The following TGS1 variants were observed in gnomAD, a reference collection of about 807,000 sequenced individuals.
TGS1 encodes trimethylguanosine synthase.
TGS1 carries 69 observed loss-of-function variants against 92.2 expected under a neutral mutation model. The ratio of observed to expected loss-of-function variants is 0.75; its 90% CI spans 0.62 to 0.91. TGS1 has a LOEUF of 0.91. TGS1 is among the 40% of genes least tolerant of loss of function. The probability of loss-of-function intolerance (pLI) is 0.00; values close to 1 mark genes in which losing one functional copy is unlikely to be tolerated. For synonymous variants in TGS1, 345 were observed against 338.1 expected, an observed-to-expected ratio of 1.02 and a Z score of -0.22; for missense variants, 1,062 against 1,001.2, an observed-to-expected ratio of 1.06 and a Z score of -0.82.
chr8:55,801,579 G>A (rs1038683198), intron 8 of TGS1, among the ~76,000 whole-genome samples: 10 of 52,608 alleles, frequency 1.9e-4, no homozygotes, highest in Admixed American at 7.6e-4. Context: ...CAGCCCCATC[G>A]TTCTTTTTTT....
chr8:55,789,507 T>C (rs1199226456), intron 4 of TGS1, among the ~76,000 whole-genome samples: 1 of 152,238 alleles, frequency 6.6e-6, no homozygotes, highest in Non-Finnish European at 1.5e-5. Flanking sequence ...TGTATAGATT[T>C]GGGCAGCTAT....
At chr8:55,810,849 AT>A in intron 10 of TGS1, 31 bp from the exon 11 acceptor site, 1 of 1,542,370 alleles carries the variant, frequency 6.5e-7, no homozygotes, top group Non-Finnish European at 8.9e-7. Flanking sequence ...ATCAGTGTCA[AT>A]TAACTCATTT....
At position 55,785,707 on chromosome 8, in the gene TGS1, T is replaced by C. The variant is rs1381821087; in HGVS notation, c.167-12T>C. 6.6e-7 allele frequency: 1 copy of C among 1,517,392 alleles called. No homozygotes were observed. Among genetic ancestry groups the C allele is most frequent in the East Asian group, 2.4e-5 (1 of 41,738 alleles). The allele number at this position is 1,517,392 out of a possible 1,614,324, so 94.0% of individuals were successfully genotyped here. A position where few individuals can be genotyped will look rare whatever the true frequency, so the allele number is the denominator to read the frequency against. On this transcript the variant is annotated splice_polypyrimidine_tract_variant and intron_variant, in intron 2 of 12. Transcript: ENST00000260129. ...TTTTCCTTAAAACTAAGCTAATAAA[T>C]GGTGTCTATAGGAGACCAGGCGACA...
intron 5 of TGS1, among the ~76,000 whole-genome samples, chr8:55,790,756 C>T (rs189202499): frequency 5.1e-4 from 77 of 152,212 alleles, no homozygotes; most frequent in Non-Finnish European, 7.4e-4. Flanking sequence ...TGGCCTCAAG[C>T]GATCCACTTG....
At chr8:55,811,633 C>T (rs561080467) in intron 11 of TGS1, among the ~76,000 whole-genome samples, 15 of 151,546 alleles carry the variant, frequency 9.9e-5, no homozygotes, top group South Asian at 4.2e-4. Flanking sequence ...TGGTGGCACG[C>T]GCCTGTACTC....
intron 1 of TGS1, among the ~76,000 whole-genome samples, chr8:55,778,051 C>T (rs975074719): frequency 6.6e-6 from 1 of 151,984 alleles, no homozygotes; most frequent in Non-Finnish European, 1.5e-5. Context: ...ACAGGCAAAT[C>T]GCTTGAGCCC....
chr8:55,815,950 T>G (rs940493263), intron 12 of TGS1, among the ~76,000 whole-genome samples: 13 of 147,768 alleles, frequency 8.8e-5, no homozygotes, highest in African/African-American at 3.1e-4. Context: ...TTATTTATTT[T>G]ATTTATTTAT....
intron 12 of TGS1, among the ~76,000 whole-genome samples, chr8:55,817,081 T>C (rs774815717): frequency 6.6e-6 from 1 of 152,140 alleles, no homozygotes; most frequent in Non-Finnish European, 1.5e-5. Context: ...GCCAGGATGG[T>C]CTCGATCTCT....
intron 12 of TGS1, 146 bp downstream of exon 12, chr8:55,813,264 G>C: frequency 1.7e-6 from 1 of 604,988 alleles, no homozygotes; most frequent in East Asian, 2.9e-5. Context: ...GAAGTATCTG[G>C]AAGTTAGATC....
chr8:55,807,069 C>T (rs1803186017), intron 10 of TGS1, among the ~76,000 whole-genome samples: 1 of 151,950 alleles, frequency 6.6e-6, no homozygotes, highest in Admixed American at 6.6e-5. Context: ...GCTGGGACTA[C>T]AGGCGCCCAC....
chr8:55,818,569 T>A (rs542984420), intron 12 of TGS1, among the ~76,000 whole-genome samples: 1 of 152,376 alleles, frequency 6.6e-6, no homozygotes, highest in Admixed American at 6.5e-5. Flanking sequence ...CCTTGGGAAG[T>A]TTGCTGCTGC....
Position 55,825,975 on chromosome 8 carries a change from C to T in TGS1, c.*1272C>T, listed in dbSNP as rs912184635. On this transcript the variant is annotated 3_prime_UTR_variant, in exon 13 of 13. Transcript: ENST00000260129. ...ACCTCCACCTCCTACCTCAGCCTCC[C>T]GAGTAGCTGGGACTACAGGCACCTG... 2.6e-5 allele frequency among the ~76,000 whole-genome samples: 4 copies of T among 151,768 alleles called. No individual in the cohort carries two copies. The highest frequency in any genetic ancestry group is 2.4e-5 in the African/African-American group (1 of 41,310).
At position 55,795,550 on chromosome 8, in the gene TGS1, T is replaced by G. The variant is rs180903831; in HGVS notation, c.1368-428T>G. Among the ~76,000 whole-genome samples the G allele has an allele frequency of 1.5e-3, 236 of 152,352 alleles. 1 individual carries two copies. Among genetic ancestry groups the G allele is most frequent in the African/African-American group, 5.2e-3 (217 of 41,594 alleles). On this transcript the variant is annotated intron_variant, in intron 6 of 12. Transcript: ENST00000260129. ...TTTGATACGAAGGGTTCGCTTCTTT[T>G]GTAAGCTCAGATTGATTTAGATAAT...
intron 7 of TGS1, among the ~76,000 whole-genome samples, chr8:55,797,428 C>T (rs188680595): frequency 6.6e-6 from 1 of 152,268 alleles, no homozygotes; most frequent in Admixed American, 6.5e-5. Context: ...GGTGGGGACA[C>T]AGCCAAACCA....
rs1811690093 is a variant in TGS1, at chr8:55,785,754, TC to T, written c.204del (p.Cys69ValfsTer12). On this transcript the variant is annotated frameshift_variant, in exon 3 of 13. Coordinates refer to ENST00000260129, the MANE Select transcript of TGS1 (RefSeq NM_024831.8). LOFTEE classifies it high-confidence loss of function. ...GACAGAAGAAGAGGAAGGTGGTTAT[TC>T]CTGTGGTACTGCAGAATCACATGAC... ...QATEEEEGGY[S>X]CGTAESHDSK... is the part of the protein sequence containing the mutation. 1 of 1,612,240 alleles carries T rather than the reference TC, an allele frequency of 6.2e-7. No individual in the cohort carries two copies. Among genetic ancestry groups the T allele is most frequent in the African/African-American group, 1.3e-5 (1 of 74,824 alleles).
rs1412219934 is a variant in TGS1 at position 55,793,757 on chromosome 8, TA to T, written c.1367+974del. ...TAATTTATTTATTTATTTATTTATT[TA>T]TTTATTTATTTATTTATTTTTTAAT... On this transcript the variant is annotated intron_variant, in intron 6 of 12. Coordinates refer to ENST00000260129, the MANE Select transcript of TGS1 (RefSeq NM_024831.8). 1.2e-3 allele frequency among the ~76,000 whole-genome samples: 180 copies of T among 150,248 alleles called. 1 individual carries two copies. Among genetic ancestry groups the T allele is most frequent in the African/African-American group, 4.1e-3 (170 of 41,026 alleles).
chr8:55,811,698 T>A (rs1348727876), intron 11 of TGS1, among the ~76,000 whole-genome samples: 1 of 151,948 alleles, frequency 6.6e-6, no homozygotes, highest in Non-Finnish European at 1.5e-5. Flanking sequence ...GAGGCCGAGG[T>A]TGCAGTGAGC....
chr8:55,781,518 G>A (rs16922236), intron 1 of TGS1, among the ~76,000 whole-genome samples: 1 of 152,042 alleles, frequency 6.6e-6, no homozygotes, highest in Non-Finnish European at 1.5e-5. Context: ...AACCATACTG[G>A]TCCTCTCCTC....
chr8:55,790,189 G>T lies in TGS1; in HGVS notation c.1170G>T (p.Gln390His). 5 of 1,613,196 alleles carry T rather than the reference G, an allele frequency of 3.1e-6. No homozygotes were observed. The highest frequency in any genetic ancestry group is 4.2e-6 in the Non-Finnish European group (5 of 1,179,362). ...TNTDPPAEDS[Q>H]KSSGANTSKD... ...ATATTTCTGCCTCTTTAGATTCACA[G>T]AAGTCTTCAGGAGCAAACACAAGCA... Residue 390 changes from glutamine (Q) to histidine (H), a missense_variant, in exon 5 of 13, where the codon CAG (glutamine) becomes CAT (histidine). By Grantham distance (24) the Gln-to-His change is conservative. Coordinates refer to ENST00000260129, the MANE Select transcript of TGS1 (RefSeq NM_024831.8).
Sources: allele counts gnomAD v4.1 joint callset (sites outside exome capture counted in the v4.1 genomes callset), GRCh38; gene constraint gnomAD v4.1.1; transcripts MANE v1.5; gene names NCBI Gene and HGNC (gene_info 2026-07-23, HGNC 2026-07-21).